MGME1: variants seen among roughly 807,000 people sequenced by gnomAD.
MGME1 encodes the protein mitochondrial genome maintenance exonuclease 1.
A neutral mutation model predicts 33.0 loss-of-function variants in MGME1; 22 were observed. That is an observed-to-expected ratio of 0.67 (90% confidence interval 0.48 to 0.95). The LOEUF (loss-of-function observed/expected upper bound fraction) is 0.95. MGME1 is among the 40% of genes least tolerant of loss of function. The pLI, the probability that MGME1 is intolerant of heterozygous loss-of-function variation, is 0.00. For missense variants in MGME1, 383 were observed against 397.8 expected (o/e 0.96, Z 0.32); for synonymous variants, 133 against 144.0 (o/e 0.92, Z 0.55).
Position 17,969,851 on chromosome 20 carries a change from C to T in MGME1, c.-9C>T. Reference sequence around the variant, plus strand: ...CGTTGCAAATAGACTAAAGTGAAAACAAATCTGAATGAAGATGAAGTTATT... The same window carrying T: ...CGTTGCAAATAGACTAAAGTGAAAATAAATCTGAATGAAGATGAAGTTATT... On this transcript the variant is annotated 5_prime_UTR_variant, in exon 2 of 5. Transcript: ENST00000377710. 1 of 1,595,880 alleles carries T rather than the reference C, an allele frequency of 6.3e-7. No homozygotes were observed. The highest frequency in any genetic ancestry group is 8.5e-7 in the Non-Finnish European group (1 of 1,173,152).
intron 2 of MGME1, among the ~76,000 whole-genome samples, chr20:17,974,793 A>T (rs913551254): frequency 6.8e-6 from 1 of 146,614 alleles, no homozygotes; most frequent in African/African-American, 2.6e-5. Context: ...TTCCAGCACT[A>T]AAAAAAAAAT....
chr20:17,984,696 G>C (rs2122596862), intron 3 of MGME1, among the ~76,000 whole-genome samples: 1 of 151,968 alleles, frequency 6.6e-6, no homozygotes, highest in South Asian at 2.1e-4. Context: ...AGGTTTAAGG[G>C]GTAAAAAATA....
intron 2 of MGME1, among the ~76,000 whole-genome samples, chr20:17,974,485 C>G (rs2035810145): frequency 1.3e-5 from 2 of 152,152 alleles, no homozygotes; most frequent in African/African-American, 4.8e-5. Context: ...GATACGCCAA[C>G]AAATCCAGAC....
intron 3 of MGME1, among the ~76,000 whole-genome samples, chr20:17,979,370 G>A (rs957212910): frequency 2.6e-5 from 4 of 151,588 alleles, no homozygotes; most frequent in African/African-American, 7.3e-5. Context: ...GTGAGGCACC[G>A]CGCCCAGCTA....
chr20:17,981,931 A>T (rs971255291), intron 3 of MGME1, among the ~76,000 whole-genome samples: 2 of 151,594 alleles, frequency 1.3e-5, no homozygotes, highest in East Asian at 3.9e-4. Flanking sequence ...GGGATTACAG[A>T]CTTGAGCCAC....
intron 3 of MGME1, among the ~76,000 whole-genome samples, chr20:17,987,174 A>G (rs1190462549): frequency 6.7e-6 from 1 of 148,738 alleles, no homozygotes; most frequent in African/African-American, 2.5e-5. Flanking sequence ...TCCATCTAAA[A>G]AAAAAAAAAA....
chr20:17,969,757 T>G, intron 1 of MGME1, 44 bp from the exon 2 acceptor site: 1 of 1,218,122 alleles, frequency 8.2e-7, no homozygotes, highest in South Asian at 1.5e-5. Context: ...TGCAATATCA[T>G]TCTGATGCAG....
rs763882220 is a variant in MGME1 at position 17,970,235 on chromosome 20, C to G, written c.376C>G (p.Gln126Glu). The change falls in exon 2 of 5, where the codon CAA (glutamine) becomes GAA (glutamate). Residue 126 changes from glutamine to glutamate, a missense_variant. Transcript: ENST00000377710. The part of the protein sequence containing the change: ...DPSVPLKIPL[Q>E]RNVIPSVTRV... ...TTCAGTTCCTTTGAAAATCCCCTTGCAAAGGAATGTGATACCAAGTGTGAC... is the reference window on the plus strand; with the variant it reads ...TTCAGTTCCTTTGAAAATCCCCTTGGAAAGGAATGTGATACCAAGTGTGAC... 6 of 1,614,086 alleles carry G rather than the reference C, an allele frequency of 3.7e-6. No individual in the cohort carries two copies. The African/African-American group carries it at 6.7e-5, about 18-fold the overall frequency.
In MGME1 at chr20:17,990,551, G is replaced by T; in HGVS notation, c.*442G>T. 5.0e-6 allele frequency: 1 copy of T among 200,416 alleles called. No homozygotes were observed. The highest frequency in any genetic ancestry group is 1.2e-4 in the East Asian group (1 of 8,060). The allele number at this position is 200,416 out of a possible 1,614,324, so 12.4% of individuals were successfully genotyped here. On this transcript the variant is annotated 3_prime_UTR_variant, in exon 5 of 5. Transcript: ENST00000377710. ...ACATGCCCCCAGCTGTGTGCAGGGA[G>T]GACACATCAGCCCACTACCGCTGCC...
At chr20:17,970,639 T>C (rs558676901) in intron 2 of MGME1, among the ~76,000 whole-genome samples, 14 of 152,354 alleles carry the variant, frequency 9.2e-5, no homozygotes, top group African/African-American at 3.4e-4. Context: ...AAAATTCACT[T>C]GTTTTATAAG....
chr20:17,968,590 A>G (rs1350850212), upstream of MGME1: 1 of 662,414 alleles, frequency 1.5e-6, no homozygotes, highest in Non-Finnish European at 2.6e-6. Flanking sequence ...CCACCATCCC[A>G]GCTGCCCCGG....
chr20:17,985,671 GTTTTTTATCTTTTATACC>G (rs1425734147), intron 3 of MGME1, among the ~76,000 whole-genome samples: 2 of 152,076 alleles, frequency 1.3e-5, no homozygotes, highest in African/African-American at 4.8e-5. Flanking sequence ...CAAGTATACT[GTTTTTTATCTTTTATACC>G]ACATTTTTAC....
intron 2 of MGME1, chr20:17,972,713 A>G: frequency 3.0e-6 from 3 of 985,336 alleles, no homozygotes; most frequent in Non-Finnish European, 3.6e-6. Flanking sequence ...CTAGGTTTTC[A>G]TGTTTGTGAT....
At chr20:17,974,616 G>C (rs1195095326) in intron 2 of MGME1, among the ~76,000 whole-genome samples, 1 of 152,052 alleles carries the variant, frequency 6.6e-6, no homozygotes, top group Non-Finnish European at 1.5e-5. Context: ...GTATTCACAT[G>C]TTATAAAATG....
intron 3 of MGME1, among the ~76,000 whole-genome samples, chr20:17,978,880 A>G (rs891564055): frequency 6.6e-6 from 1 of 151,758 alleles, no homozygotes; most frequent in African/African-American, 2.4e-5. Flanking sequence ...GGTTCAAGCA[A>G]TTCTCCTGTG....
intron 3 of MGME1, among the ~76,000 whole-genome samples, chr20:17,985,506 T>G (rs1453962700): frequency 1.3e-5 from 2 of 152,216 alleles, no homozygotes; most frequent in East Asian, 3.8e-4. Context: ...AAACGTTTTT[T>G]ATAAATTTAG....
In MGME1 at chr20:17,970,364, A is replaced by G; in HGVS notation, c.505A>G (p.Thr169Ala). 1.9e-6 allele frequency: 3 copies of G among 1,605,890 alleles called. No individual in the cohort carries two copies. Among genetic ancestry groups the G allele is most frequent in the Non-Finnish European group, 2.5e-6 (3 of 1,176,700 alleles). ...GGGAGAAGATGGCTTTAAAGAATACACTTCAAGTAATTATCTCAATTCTGA... is the reference window on the plus strand; with the variant it reads ...GGGAGAAGATGGCTTTAAAGAATACGCTTCAAGTAATTATCTCAATTCTGA... The part of the protein sequence containing the change: ...ELGEDGFKEY[T>A]SNVFLQGKRF... Residue 169 changes from threonine (T) to alanine (A), a missense_variant, in exon 2 of 5, where the codon ACT (threonine) becomes GCT (alanine). Thr to Ala is a moderately conservative substitution (Grantham distance 58, BLOSUM62 0). Transcript: ENST00000377710.
chr20:17,989,038 G>A (rs1249989399), intron 4 of MGME1, among the ~76,000 whole-genome samples: 6 of 151,792 alleles, frequency 4.0e-5, no homozygotes, highest in East Asian at 3.9e-4. Context: ...CCAGTGAGCC[G>A]AGATTGTACC....
At position 17,988,277 on chromosome 20, in the gene MGME1, T is replaced by C. The variant is rs1331824775; in HGVS notation, c.843T>C (p.His281=). 1 of 1,613,900 alleles carries C rather than the reference T, an allele frequency of 6.2e-7. No homozygotes were observed. The highest frequency in any genetic ancestry group is 1.3e-5 in the African/African-American group (1 of 74,924). ...QVVAYMGAMN[H]DTNYSFQVQC... is the part of the protein sequence containing the mutation. ...TGGCATACATGGGTGCCATGAACCA[T>C]GATACCAACTACAGCTTTCAGGTCA... The change falls in exon 4 of 5, where the codon CAT becomes CAC. Residue 281 remains histidine (H), a synonymous_variant. Transcript: ENST00000377710.
Sources: gnomAD v4.1 joint callset for allele counts (sites outside exome capture counted in the v4.1 genomes callset) on GRCh38, gnomAD v4.1.1 for gene constraint, MANE v1.5 for transcripts, NCBI Gene and HGNC (gene_info 2026-07-23, HGNC 2026-07-21) for gene names.